Variants in ZNF516 observed in about 807,000 individuals in gnomAD.
ZNF516 encodes zinc finger protein 516.
In ZNF516, 19 loss-of-function variants were observed where a neutral mutation model predicts 79.7. The observed-to-expected ratio is 0.24, with a 90% CI of 0.17 to 0.35. The LOEUF is 0.35. Among genes scored for constraint, ZNF516 ranks in the 10% least tolerant of loss-of-function variants. ZNF516 has a pLI of 1.00. For synonymous variants in ZNF516, 877 were observed against 739.5 expected (o/e 1.19, Z -3.02); for missense variants, 1,678 against 1,679.5 (o/e 1.00, Z 0.02).
intron 1 of ZNF516, among the ~76,000 whole-genome samples, chr18:76,482,464 C>T (rs1180469130): frequency 1.3e-5 from 2 of 152,234 alleles, no homozygotes; most frequent in South Asian, 2.1e-4. Context: ...GCGGCAGCCC[C>T]GCGATCTCCA....
At chr18:76,450,324 C>A (rs1434219427) in intron 2 of ZNF516, among the ~76,000 whole-genome samples, 1 of 151,948 alleles carries the variant, frequency 6.6e-6, no homozygotes, top group African/African-American at 2.4e-5. Flanking sequence ...TAGGCCTCTT[C>A]CCCTATCTGC....
At chr18:76,492,918 G>A (rs745484696) in intron 1 of ZNF516, 31 of 985,488 alleles carry the variant, frequency 3.1e-5, no homozygotes, top group Non-Finnish European at 3.5e-5. Context: ...GCAGAAGCCT[G>A]CGGATGCGCG....
intron 3 of ZNF516, among the ~76,000 whole-genome samples, chr18:76,423,916 C>G (rs1599065328): frequency 4.3e-5 from 4 of 93,974 alleles, no homozygotes; most frequent in Admixed American, 1.1e-4. Flanking sequence ...AAAAGGCTCC[C>G]TCCTGAAACA....
rs773607566 is a variant in ZNF516 at position 76,441,449 on chromosome 18, C to A, written c.1606G>T (p.Val536Leu). 6.2e-7 allele frequency: 1 copy of A among 1,606,000 alleles called. No homozygotes were observed. The highest frequency in any genetic ancestry group is 1.7e-5 in the Admixed American group (1 of 59,538). ...TYHQMVLHSR[V>L]HRRARRERDS... Reference sequence around the variant, plus strand: ...CTCTCGCGGCGCGCGCGGCGATGCACGCGTGAGTGCAGCACCATCTGATGA... The same window carrying A: ...CTCTCGCGGCGCGCGCGGCGATGCAAGCGTGAGTGCAGCACCATCTGATGA... Residue 536 changes from valine to leucine, a missense_variant, in exon 3 of 7, where the codon GTG becomes TTG. This residue lies in a region of ZNF516 where 1,294 missense variants were observed against 1,248.3 expected (regional missense o/e 1.04). Transcript: ENST00000443185.
intron 1 of ZNF516, chr18:76,492,753 G>A: frequency 1.0e-6 from 1 of 985,574 alleles, no homozygotes. Flanking sequence ...TCCCCCTTCT[G>A]CAGGTTCCGA....
chr18:76,443,781 C>T (rs762155192), intron 2 of ZNF516, among the ~76,000 whole-genome samples: 1 of 152,194 alleles, frequency 6.6e-6, no homozygotes, highest in African/African-American at 2.4e-5. Context: ...CACACACACC[C>T]GCAAGATGGC....
upstream of ZNF516, chr18:76,496,180 C>A (rs1033273193): frequency 3.1e-6 from 3 of 968,472 alleles, no homozygotes; most frequent in Non-Finnish European, 2.6e-6. Context: ...GGGGGAGGGG[C>A]GGGTCGGAGC....
chr18:76,474,223 C>G (rs564743300), intron 1 of ZNF516, among the ~76,000 whole-genome samples: 1 of 152,232 alleles, frequency 6.6e-6, no homozygotes, highest in African/African-American at 2.4e-5. Flanking sequence ...AAGAAACAGA[C>G]AGCTTGAAAA....
intron 1 of ZNF516, among the ~76,000 whole-genome samples, chr18:76,482,940 T>C (rs1914611370): frequency 2.0e-5 from 3 of 152,158 alleles, no homozygotes; most frequent in Admixed American, 1.3e-4. Context: ...TCTAGAAAGG[T>C]AGCAAAATCA....
At chr18:76,466,779 A>T (rs1372978884) in intron 1 of ZNF516, among the ~76,000 whole-genome samples, 1 of 152,202 alleles carries the variant, frequency 6.6e-6, no homozygotes, top group South Asian at 2.1e-4. Context: ...AGGGGCCACG[A>T]GGGCCATCCC....
intron 3 of ZNF516, among the ~76,000 whole-genome samples, chr18:76,400,263 G>A (rs1030059762): frequency 2.0e-5 from 3 of 152,184 alleles, no homozygotes; most frequent in Non-Finnish European, 2.9e-5. Flanking sequence ...AGGAGCAGGC[G>A]AGGCTCACGG....
intron 3 of ZNF516, among the ~76,000 whole-genome samples, chr18:76,391,135 C>T (rs1039393230): frequency 6.6e-6 from 1 of 152,066 alleles, no homozygotes; most frequent in Non-Finnish European, 1.5e-5. Context: ...TTAAGGAGGG[C>T]TGCGAGATTT....
At chr18:76,457,095 G>A (rs536672344) in intron 2 of ZNF516, among the ~76,000 whole-genome samples, 11 of 152,304 alleles carry the variant, frequency 7.2e-5, no homozygotes, top group Non-Finnish European at 1.3e-4. Flanking sequence ...AAGACAACAC[G>A]CAGTGAACAA....
intron 2 of ZNF516, among the ~76,000 whole-genome samples, chr18:76,446,576 C>A (rs1298344809): frequency 6.6e-6 from 1 of 152,224 alleles, no homozygotes; most frequent in Non-Finnish European, 1.5e-5. Flanking sequence ...GTACCCCCGC[C>A]CTAGCTAGAG....
chr18:76,374,992 G>A (rs1049030021), intron 4 of ZNF516, among the ~76,000 whole-genome samples: 1 of 152,142 alleles, frequency 6.6e-6, no homozygotes, highest in Non-Finnish European at 1.5e-5. Flanking sequence ...AAAAGAAACA[G>A]CTGAACAGAA....
intron 6 of ZNF516, among the ~76,000 whole-genome samples, chr18:76,369,512 T>C (rs1169373802): frequency 4.6e-5 from 7 of 152,206 alleles, no homozygotes; most frequent in African/African-American, 7.2e-5. Context: ...GGGTCCTTGG[T>C]GAAGCCATTT....
At chr18:76,439,923 G>A (rs137898404) in intron 3 of ZNF516, among the ~76,000 whole-genome samples, 2 of 151,170 alleles carry the variant, frequency 1.3e-5, no homozygotes, top group African/African-American at 4.9e-5. Flanking sequence ...GTCACGATGG[G>A]GTCAACCCGG....
At chr18:76,383,804 T>A (rs926342691) in intron 3 of ZNF516, among the ~76,000 whole-genome samples, 1 of 152,240 alleles carries the variant, frequency 6.6e-6, no homozygotes, top group Non-Finnish European at 1.5e-5. Flanking sequence ...GCTCCCCGCA[T>A]TCATCATCAG....
At chr18:76,456,239 C>G (rs1912715980) in intron 2 of ZNF516, among the ~76,000 whole-genome samples, 1 of 152,226 alleles carries the variant, frequency 6.6e-6, no homozygotes, top group Admixed American at 6.5e-5. Context: ...CTTTTTCTGC[C>G]TTGCTAACTC....
Sources: gnomAD v4.1 joint callset for allele counts (sites outside exome capture counted in the v4.1 genomes callset) on GRCh38, gnomAD v4.1.1 for gene constraint, gnomAD v4.1.1 regional missense constraint, MANE v1.5 for transcripts, NCBI Gene and HGNC (gene_info 2026-07-23, HGNC 2026-07-21) for gene names.